MTMR7: variants seen among roughly 807,000 people sequenced by gnomAD.
MTMR7 encodes the protein phosphatidylinositol-3-phosphate phosphatase MTMR7.
Under a neutral mutation model 81.2 loss-of-function variants are expected in MTMR7, and 76 were observed. The observed-to-expected ratio is 0.94, with a 90% CI of 0.78 to 1.13. The LOEUF (loss-of-function observed/expected upper bound fraction) is 1.13, where lower values mean the gene tolerates loss of function less well. Ranked by LOEUF, MTMR7 falls within the 50% of genes most tolerant of loss-of-function variation. The pLI, the probability that MTMR7 is intolerant of heterozygous loss-of-function variation, is 0.00. For missense variants in MTMR7, 1,044 were observed against 820.0 expected (o/e 1.27, Z -3.34); for synonymous variants, 372 against 289.8 (o/e 1.28, Z -2.88).
chr8:17,355,619 T>C (rs1474666866), intron 4 of MTMR7, among the ~76,000 whole-genome samples: 3 of 150,982 alleles, frequency 2.0e-5, no homozygotes, highest in Non-Finnish European at 4.4e-5. Flanking sequence ...GTAAGAAAGA[T>C]TGACAACTCA....
intron 3 of MTMR7, among the ~76,000 whole-genome samples, chr8:17,364,023 T>TA (rs1169338950): frequency 2.7e-5 from 2 of 75,320 alleles, no homozygotes; most frequent in Admixed American, 1.3e-4. Context: ...TTGCTATTAT[T>TA]TTTTTTTTTT....
intron 4 of MTMR7, 76 bp downstream of exon 4, chr8:17,361,041 A>G: frequency 1.3e-6 from 2 of 1,515,410 alleles, no homozygotes; most frequent in Non-Finnish European, 1.8e-6. Flanking sequence ...CCTGAAGGAG[A>G]TAAAAATAAA....
At chr8:17,314,241 T>C (rs894816101) in intron 7 of MTMR7, among the ~76,000 whole-genome samples, 6 of 152,188 alleles carry the variant, frequency 3.9e-5, no homozygotes, top group African/African-American at 1.4e-4. Flanking sequence ...AGGAGTCTTA[T>C]CAATCAACCA....
At chr8:17,392,832 T>A (rs1285759845) in intron 1 of MTMR7, among the ~76,000 whole-genome samples, 3 of 152,226 alleles carry the variant, frequency 2.0e-5, no homozygotes, top group Non-Finnish European at 4.4e-5. Context: ...TTTAGAAAAT[T>A]CTTTTTATTC....
At chr8:17,312,411 C>A (rs1431297548) in intron 8 of MTMR7, among the ~76,000 whole-genome samples, 1 of 151,924 alleles carries the variant, frequency 6.6e-6, no homozygotes, top group Non-Finnish European at 1.5e-5. Context: ...CCCGTCTCTA[C>A]TAAAAATACA....
At chr8:17,372,999 C>T (rs1820465807) in intron 2 of MTMR7, 119 bp downstream of exon 2, 5 of 1,221,588 alleles carry the variant, frequency 4.1e-6, no homozygotes, top group Non-Finnish European at 5.7e-6. Flanking sequence ...AGAAACAGTT[C>T]CCCAACATCC....
intron 4 of MTMR7, among the ~76,000 whole-genome samples, chr8:17,352,205 T>C (rs1023634467): frequency 1.3e-5 from 2 of 152,190 alleles, no homozygotes; most frequent in Non-Finnish European, 2.9e-5. Flanking sequence ...AAGCCATATC[T>C]ATTTTGCAGC....
chr8:17,385,083 T>C (rs2150574551), intron 1 of MTMR7, among the ~76,000 whole-genome samples: 2 of 152,298 alleles, frequency 1.3e-5, no homozygotes, highest in South Asian at 4.1e-4. Flanking sequence ...CCTAAAACAA[T>C]TAATTCTTCA....
chr8:17,367,673 T>C (rs1286353932), intron 3 of MTMR7, among the ~76,000 whole-genome samples: 1 of 152,178 alleles, frequency 6.6e-6, no homozygotes, highest in Admixed American at 6.5e-5. Context: ...ATACCAGAAA[T>C]CCTAACTCAG....
intron 3 of MTMR7, among the ~76,000 whole-genome samples, chr8:17,370,143 T>C (rs77275501): frequency 6.6e-5 from 10 of 151,654 alleles, no homozygotes; most frequent in African/African-American, 2.2e-4. Context: ...TTTTTTTTTT[T>C]CCAGGAGAAT....
chr8:17,391,966 G>A (rs1438693329), intron 1 of MTMR7, among the ~76,000 whole-genome samples: 1 of 152,076 alleles, frequency 6.6e-6, no homozygotes, highest in African/African-American at 2.4e-5. Context: ...AGGGGAAAGG[G>A]CACTAGGAAA....
intron 1 of MTMR7, among the ~76,000 whole-genome samples, chr8:17,374,664 C>T (rs7387658): frequency 0.35 from 52,643 of 151,688 alleles, 11,714 homozygotes; most frequent in East Asian, 0.72. Context: ...AGCATAAAAA[C>T]TAGCCTGGGG....
chr8:17,362,369 G>A (rs184239188), intron 3 of MTMR7, among the ~76,000 whole-genome samples: 3 of 152,318 alleles, frequency 2.0e-5, no homozygotes, highest in East Asian at 3.9e-4. Context: ...CTTGGACAGT[G>A]CAGATCTAAG....
intron 7 of MTMR7, among the ~76,000 whole-genome samples, chr8:17,327,873 CTT>C (rs1290755512): frequency 7.9e-5 from 12 of 152,114 alleles, no homozygotes; most frequent in Admixed American, 7.2e-4. Flanking sequence ...ACTGTTTACT[CTT>C]TTAAAAAATT....
At chr8:17,336,340 G>C (rs1345095034) in intron 6 of MTMR7, among the ~76,000 whole-genome samples, 3 of 152,064 alleles carry the variant, frequency 2.0e-5, no homozygotes, top group African/African-American at 7.2e-5. Context: ...GGACCCACAG[G>C]AAATTTCTCC....
intron 6 of MTMR7, among the ~76,000 whole-genome samples, chr8:17,340,900 CCTTAT>C (rs1285317305): frequency 3.3e-5 from 5 of 152,154 alleles, no homozygotes; most frequent in Non-Finnish European, 7.4e-5. Context: ...TTTTAATTTA[CCTTAT>C]ATTTTATAGT....
At chr8:17,407,459 TC>T (rs1821621468) in intron 1 of MTMR7, among the ~76,000 whole-genome samples, 1 of 152,188 alleles carries the variant, frequency 6.6e-6, no homozygotes, top group African/African-American at 2.4e-5. Context: ...CTATTCATCT[TC>T]TTTGACACAG....
chr8:17,401,775 A>G (rs1050517289), intron 1 of MTMR7, among the ~76,000 whole-genome samples: 5 of 152,186 alleles, frequency 3.3e-5, no homozygotes, highest in African/African-American at 1.2e-4. Flanking sequence ...GATTGGAAAG[A>G]GCACAAGAGG....
chr8:17,371,071 G>A lies in MTMR7; in HGVS notation c.276C>T (p.Asp92=), dbSNP rs779698957. 4.8e-5 allele frequency: 77 copies of A among 1,613,934 alleles called. 2 individuals are homozygous for A. In the South Asian group the frequency reaches 7.1e-4, roughly 15 times the overall value. ...LIIPQERDCH[D]VYISLIRLAR... The stretch of plus-strand genomic sequence containing the variant: ...CAAGGCGTATCAGGGAGATGTACAC[G>A]TCGTGGCAATCTCTTTCCTGAGGTA... Residue 92 remains aspartate, a synonymous_variant, in exon 3 of 14, where the codon GAC becomes GAT. Coordinates refer to ENST00000180173, the MANE Select transcript of MTMR7 (RefSeq NM_004686.5).
Sources: gnomAD v4.1 joint callset for allele counts (sites outside exome capture counted in the v4.1 genomes callset) on GRCh38, gnomAD v4.1.1 for gene constraint, MANE v1.5 for transcripts, NCBI Gene and HGNC (gene_info 2026-07-23, HGNC 2026-07-21) for gene names.